The following ATP13A4 variants were observed in gnomAD, a reference collection of about 807,000 sequenced individuals.
ATP13A4 encodes the protein ATPase 13A4.
ATP13A4 carries 114 observed loss-of-function variants against 142.5 expected under a neutral mutation model. That is an observed-to-expected ratio of 0.80 (90% confidence interval 0.69 to 0.93). ATP13A4 has a LOEUF of 0.93. ATP13A4 is among the 40% of genes least tolerant of loss of function. The probability of loss-of-function intolerance (pLI) is 0.00; values close to 1 mark genes in which losing one functional copy is unlikely to be tolerated. For synonymous variants in ATP13A4, 488 were observed against 514.8 expected, an observed-to-expected ratio of 0.95 and a Z score of 0.70; for missense variants, 1,392 against 1,454.0, an observed-to-expected ratio of 0.96 and a Z score of 0.69.
At chr3:193,435,231 A>C (rs1470439640) in intron 24 of ATP13A4, among the ~76,000 whole-genome samples, 3 of 144,648 alleles carry the variant, frequency 2.1e-5, no homozygotes, top group Non-Finnish European at 4.5e-5. Flanking sequence ...TACGCCACTG[A>C]AATGGGCAAA....
intron 1 of ATP13A4, among the ~76,000 whole-genome samples, chr3:193,552,188 G>T: frequency 6.6e-6 from 1 of 152,084 alleles, no homozygotes; most frequent in East Asian, 1.9e-4. Context: ...TGGCCAGGAT[G>T]GTCTCAATCT....
At chr3:193,445,379 C>T (rs933363417) in intron 18 of ATP13A4, among the ~76,000 whole-genome samples, 6 of 151,024 alleles carry the variant, frequency 4.0e-5, no homozygotes, top group African/African-American at 1.5e-4. Flanking sequence ...GAGGTTGCAG[C>T]GAGCCGAGAT....
intron 9 of ATP13A4, among the ~76,000 whole-genome samples, chr3:193,468,707 A>C (rs1469852811): frequency 6.6e-6 from 1 of 152,258 alleles, no homozygotes; most frequent in African/African-American, 2.4e-5. Context: ...AGATCACACC[A>C]CTGCACAGCA....
intron 8 of ATP13A4, among the ~76,000 whole-genome samples, chr3:193,483,374 T>C (rs780300375): frequency 1.4e-4 from 21 of 152,204 alleles, no homozygotes; most frequent in Non-Finnish European, 2.2e-4. Flanking sequence ...AATATACATA[T>C]GCCAAACTTA....
intron 29 of ATP13A4, among the ~76,000 whole-genome samples, chr3:193,407,099 A>G (rs954925063): frequency 6.6e-6 from 1 of 152,134 alleles, no homozygotes; most frequent in African/African-American, 2.4e-5. Flanking sequence ...CCATAATTCC[A>G]TTCTCCCCCG....
chr3:193,568,784 G>T (rs1724196129), intron 2 of ATP13A4, among the ~76,000 whole-genome samples: 2 of 152,106 alleles, frequency 1.3e-5, no homozygotes, highest in Admixed American at 1.3e-4. Context: ...GGTCAAATGG[G>T]TACAAGAGAA....
chr3:193,440,360 A>T, intron 21 of ATP13A4, 198 bp downstream of exon 21: 1 of 1,049,926 alleles, frequency 9.5e-7, no homozygotes, highest in Non-Finnish European at 1.3e-6. Flanking sequence ...CCCCATATAA[A>T]CAACTGAATC....
intron 2 of ATP13A4, among the ~76,000 whole-genome samples, chr3:193,511,887 T>C (rs553168742): frequency 1.1e-4 from 16 of 152,150 alleles, no homozygotes; most frequent in Non-Finnish European, 1.8e-4. Flanking sequence ...CCAAAACACA[T>C]CATCTCCTCA....
At chr3:193,467,129 C>T (rs1270487325) in intron 10 of ATP13A4, among the ~76,000 whole-genome samples, 187 bp downstream of exon 10, 1 of 151,970 alleles carries the variant, frequency 6.6e-6, no homozygotes, top group South Asian at 2.1e-4. Context: ...ACATGGCAGG[C>T]CTGTGTCAAA....
At chr3:193,404,050 G>T (rs1440389611) in intron 29 of ATP13A4, 1 of 985,290 alleles carries the variant, frequency 1.0e-6, no homozygotes, top group African/African-American at 1.7e-5. Context: ...GGCTGTTAAA[G>T]ATCCATATAA....
intron 23 of ATP13A4, among the ~76,000 whole-genome samples, chr3:193,436,899 T>G (rs1560185350): frequency 7.1e-6 from 1 of 140,486 alleles, no homozygotes; most frequent in Non-Finnish European, 1.5e-5. Context: ...GGTCAGGAGA[T>G]CGAGACCATC....
At chr3:193,538,664 T>C (rs1372068203) in intron 1 of ATP13A4, among the ~76,000 whole-genome samples, 3 of 151,902 alleles carry the variant, frequency 2.0e-5, no homozygotes, top group African/African-American at 7.3e-5. Context: ...AACATTTTAC[T>C]AGGGGCAATA....
intron 22 of ATP13A4, 27 bp downstream of exon 22, chr3:193,438,996 T>C (rs754291051): frequency 6.3e-7 from 1 of 1,587,238 alleles, no homozygotes; most frequent in Non-Finnish European, 8.7e-7. Context: ...TGTGAGATTA[T>C]GGCCACACAA....
chr3:193,537,015 A>T (rs1182102256), intron 1 of ATP13A4, among the ~76,000 whole-genome samples: 2 of 152,220 alleles, frequency 1.3e-5, no homozygotes, highest in East Asian at 3.9e-4. Context: ...TAAACATAGT[A>T]AAGATTTTAA....
chr3:193,575,377 G>A (rs1194584619), intron 2 of ATP13A4, among the ~76,000 whole-genome samples: 1 of 152,166 alleles, frequency 6.6e-6, no homozygotes, highest in Non-Finnish European at 1.5e-5. Context: ...ATTAGGAGTA[G>A]AAGGTGAGAC....
At chr3:193,580,640 T>A (rs1391384185) in intron 2 of ATP13A4, among the ~76,000 whole-genome samples, 1 of 152,130 alleles carries the variant, frequency 6.6e-6, no homozygotes, top group Non-Finnish European at 1.5e-5. Context: ...AAGGTAGGGA[T>A]TATGTTTTTA....
chr3:193,489,846 T>C lies in ATP13A4; in HGVS notation c.622A>G (p.Ile208Val), dbSNP rs1305154605. Residue 208 changes from isoleucine to valine, a missense_variant, in exon 7 of 30, where the codon ATA becomes GTA. By Grantham distance (29) the Ile-to-Val change is conservative. Transcript: ENST00000342695. ...AAACAGACACTGAAGAGTTGAAATA[T>C]ATAAAATGGATTTAGAACCTGTTGG... The part of the protein sequence containing the change: ...LIKEVLNPFY[I>V]FQLFSVCLWF... The C allele has an allele frequency of 2.5e-6, 4 of 1,613,154 alleles. No homozygotes were observed. Among genetic ancestry groups the C allele is most frequent in the Non-Finnish European group, 3.4e-6 (4 of 1,179,286 alleles).
rs182016018 is a variant in ATP13A4 at position 193,416,151 on chromosome 3, T to C, written c.2843-1401A>G. 2.8e-3 allele frequency among the ~76,000 whole-genome samples: 421 copies of C among 152,292 alleles called. 3 individuals are homozygous for C. The highest frequency in any genetic ancestry group is 4.4e-3 in the Admixed American group (67 of 15,288). On this transcript the variant is annotated intron_variant, in intron 25 of 29. Coordinates refer to ENST00000342695, the MANE Select transcript of ATP13A4 (RefSeq NM_032279.4). ...GCTGAAGGAACAGGGACATATGCGATCTCACATGAAAACTAGTACAGTCTT... is the reference window on the plus strand; with the variant it reads ...GCTGAAGGAACAGGGACATATGCGACCTCACATGAAAACTAGTACAGTCTT...
At chr3:193,409,818 CT>C (rs1326169761) in intron 28 of ATP13A4, among the ~76,000 whole-genome samples, 3 of 152,172 alleles carry the variant, frequency 2.0e-5, no homozygotes, top group African/African-American at 7.2e-5. Context: ...GCTCTAAGTG[CT>C]TGTTTATATT....
Sources: allele counts gnomAD v4.1 joint callset (sites outside exome capture counted in the v4.1 genomes callset), GRCh38; gene constraint gnomAD v4.1.1; transcripts MANE v1.5; gene names NCBI Gene and HGNC (gene_info 2026-07-23, HGNC 2026-07-21).